Variants in PIP5K1C observed in about 807,000 individuals in gnomAD.
PIP5K1C encodes the protein phosphatidylinositol-4-phosphate 5-kinase type 1 gamma, also known as phosphatidylinositol 4-phosphate 5-kinase type-1 gamma.
Under a neutral mutation model 80.1 loss-of-function variants are expected in PIP5K1C, and 45 were observed. The observed-to-expected ratio is 0.56, with a 90% confidence interval of 0.44 to 0.72. The LOEUF (loss-of-function observed/expected upper bound fraction) is 0.72, where lower values mean the gene tolerates loss of function less well. PIP5K1C is among the 30% of genes least tolerant of loss of function. The probability of loss-of-function intolerance (pLI) is 0.00; values close to 1 mark genes in which losing one functional copy is unlikely to be tolerated. For synonymous variants in PIP5K1C, 498 were observed against 420.1 expected, an observed-to-expected ratio of 1.19 and a Z score of -2.27; for missense variants, 753 against 954.6, an observed-to-expected ratio of 0.79 and a Z score of 2.78.
rs535255353 is a variant in PIP5K1C at position 3,656,668 on chromosome 19, T to C, written c.469-111A>G. On this transcript the variant is annotated intron_variant, in intron 5 of 17. Transcript: ENST00000335312. ...GAACTGATGACGGGTCGCTGCATTTTACAGATGCGGAAAGAGAGGCTCAGA... is the reference window on the plus strand; with the variant it reads ...GAACTGATGACGGGTCGCTGCATTTCACAGATGCGGAAAGAGAGGCTCAGA... 890 of 1,232,336 alleles carry C rather than the reference T, an allele frequency of 7.2e-4. 10 individuals are homozygous for C. Among genetic ancestry groups the C allele is most frequent in the South Asian group, 6.2e-3 (503 of 81,588 alleles). 76.3% of individuals were successfully genotyped at this position (1,232,336 alleles called of 1,614,324 possible).
At position 3,631,116 on chromosome 19, in the gene PIP5K1C, C is replaced by T. The variant is rs781202870; in HGVS notation, c.*2051G>A. On this transcript the variant is annotated 3_prime_UTR_variant, in exon 18 of 18. Coordinates refer to ENST00000335312, the MANE Select transcript of PIP5K1C (RefSeq NM_012398.3). ...GCACATTTCTCCTGCAAAGGCGCGTCGGCCGGGCACTGGTGTCCCGTGTCA... is the reference window on the plus strand; with the variant it reads ...GCACATTTCTCCTGCAAAGGCGCGTTGGCCGGGCACTGGTGTCCCGTGTCA... The T allele has an allele frequency of 6.6e-6, 1 of 152,290 alleles. No individual in the cohort carries two copies. Among genetic ancestry groups the T allele is most frequent in the Non-Finnish European group, 1.5e-5 (1 of 68,064 alleles). 9.4% of individuals were successfully genotyped at this position (152,290 alleles called of 1,614,324 possible).
At chr19:3,642,555 G>A (rs757895967) in intron 14 of PIP5K1C, among the ~76,000 whole-genome samples, 4 of 152,190 alleles carry the variant, frequency 2.6e-5, no homozygotes, top group Non-Finnish European at 5.9e-5. Flanking sequence ...TATCTTCCAA[G>A]AGACAAAACC....
At chr19:3,656,694 G>A (rs2034646122) in intron 5 of PIP5K1C, 137 bp from the exon 6 acceptor site, 1 of 1,005,280 alleles carries the variant, frequency 9.9e-7, no homozygotes, top group Non-Finnish European at 1.5e-6. Flanking sequence ...GAGGCTCAGA[G>A]AGGGCGAGAG....
rs1243977526 is a variant in PIP5K1C at position 3,630,378 on chromosome 19, G to A, written c.*2789C>T. 7 of 152,586 alleles carry A rather than the reference G, an allele frequency of 4.6e-5. No individual in the cohort carries two copies. Among genetic ancestry groups the A allele is most frequent in the African/African-American group, 1.2e-4 (5 of 41,424 alleles). 9.5% of individuals were successfully genotyped at this position (152,586 alleles called of 1,614,324 possible). On this transcript the variant is annotated 3_prime_UTR_variant, in exon 18 of 18. Transcript: ENST00000335312. ...TTTGGATTGTCACGCACCAGACCAC[G>A]GGGCGGAGGAATGGAGTGGCATCCC...
intron 1 of PIP5K1C, among the ~76,000 whole-genome samples, chr19:3,694,207 A>G (rs1454544163): frequency 1.3e-4 from 19 of 146,574 alleles, no homozygotes; most frequent in African/African-American, 4.8e-4. Context: ...GCGAGACTCC[A>G]TCTCAAAAAA....
chr19:3,694,165 A>T (rs2036031061), intron 1 of PIP5K1C, among the ~76,000 whole-genome samples: 1 of 150,126 alleles, frequency 6.7e-6, no homozygotes, highest in African/African-American at 2.5e-5. Context: ...TGAGCCGAGA[A>T]CGCGCCACTG....
chr19:3,685,178 G>A (rs535754393), intron 1 of PIP5K1C, among the ~76,000 whole-genome samples: 6 of 152,164 alleles, frequency 3.9e-5, no homozygotes, highest in Non-Finnish European at 8.8e-5. Context: ...GCAATGGGTT[G>A]GGGACTCAGG....
chr19:3,695,083 G>C (rs1276822568), intron 1 of PIP5K1C, among the ~76,000 whole-genome samples: 1 of 152,226 alleles, frequency 6.6e-6, no homozygotes, highest in African/African-American at 2.4e-5. Context: ...ATTCGGGTGG[G>C]GTCTCACGTG....
At chr19:3,675,616 T>C (rs1490933483) in intron 1 of PIP5K1C, among the ~76,000 whole-genome samples, 2 of 152,192 alleles carry the variant, frequency 1.3e-5, no homozygotes, top group South Asian at 2.1e-4. Context: ...GTCTCGTCCA[T>C]GGTGACATCA....
In PIP5K1C at chr19:3,678,903, C is replaced by T. The variant is rs966877538; in HGVS notation, c.95-11550G>A. Among the ~76,000 whole-genome samples the T allele has an allele frequency of 1.8e-4, 13 of 73,014 alleles. 1 individual carries two copies. The highest frequency in any genetic ancestry group is 1.1e-4 in the Non-Finnish European group (4 of 37,834). 47.9% of individuals were successfully genotyped at this position (73,014 alleles called of 152,430 possible). Reference sequence around the variant, plus strand: ...AGGGAGGGATGGCGGGATGGCAGGACGGAGGAAGGGATGGAGGGATGGAGG... The same window carrying T: ...AGGGAGGGATGGCGGGATGGCAGGATGGAGGAAGGGATGGAGGGATGGAGG... On this transcript the variant is annotated intron_variant, in intron 1 of 17. Coordinates refer to ENST00000335312, the MANE Select transcript of PIP5K1C (RefSeq NM_012398.3).
At chr19:3,651,197 G>T (rs1222036543) in intron 8 of PIP5K1C, among the ~76,000 whole-genome samples, 1 of 151,824 alleles carries the variant, frequency 6.6e-6, no homozygotes, top group Non-Finnish European at 1.5e-5. Context: ...GGGACTACAG[G>T]TGCACGTGCC....
intron 5 of PIP5K1C, among the ~76,000 whole-genome samples, chr19:3,660,095 C>T (rs1002279334): frequency 7.2e-5 from 11 of 152,214 alleles, no homozygotes; most frequent in Admixed American, 4.6e-4. Context: ...CCCAGCACTT[C>T]GGGAGGCTGA....
At chr19:3,659,003 G>A (rs1428947317) in intron 5 of PIP5K1C, among the ~76,000 whole-genome samples, 1 of 152,104 alleles carries the variant, frequency 6.6e-6, no homozygotes, top group Non-Finnish European at 1.5e-5. Context: ...GCAGGGCTGA[G>A]CCCCACCCTG....
At chr19:3,683,579 G>A (rs911370724) in intron 1 of PIP5K1C, among the ~76,000 whole-genome samples, 1 of 152,222 alleles carries the variant, frequency 6.6e-6, no homozygotes, top group Non-Finnish European at 1.5e-5. Context: ...ATTATGCAGA[G>A]GCGGAAACTG....
chr19:3,642,947 G>A lies in PIP5K1C; in HGVS notation c.1650-8C>T, dbSNP rs1474702391. ...GACGACTGTGTGCGCCGCCTGCAGA[G>A]ATACAGCAAACACGTGACACCCAGA... On this transcript the variant is annotated splice_region_variant and splice_polypyrimidine_tract_variant and intron_variant, in intron 13 of 17. Transcript: ENST00000335312. 2.5e-6 allele frequency: 4 copies of A among 1,613,386 alleles called. No homozygotes were observed. The highest frequency in any genetic ancestry group is 4.5e-5 in the East Asian group (2 of 44,888).
intron 1 of PIP5K1C, among the ~76,000 whole-genome samples, chr19:3,675,190 G>A (rs754749421): frequency 4.6e-5 from 7 of 152,150 alleles, no homozygotes; most frequent in African/African-American, 4.8e-5. Context: ...CTGTGAATAC[G>A]CCGAGAAGAA....
intron 5 of PIP5K1C, among the ~76,000 whole-genome samples, chr19:3,659,317 GA>G (rs1389828518): frequency 6.6e-6 from 1 of 152,242 alleles, no homozygotes; most frequent in East Asian, 1.9e-4. Flanking sequence ...ACACTCCTGA[GA>G]TGAGCAGAAG....
At chr19:3,661,213 G>T (rs1012362889) in intron 4 of PIP5K1C, 130 bp from the exon 5 acceptor site, 1 of 629,900 alleles carries the variant, frequency 1.6e-6, no homozygotes, top group African/African-American at 1.8e-5. Context: ...TCCTTGAAAC[G>T]GCCCAATCCC....
At chr19:3,691,946 C>G (rs1029284283) in intron 1 of PIP5K1C, among the ~76,000 whole-genome samples, 1 of 152,152 alleles carries the variant, frequency 6.6e-6, no homozygotes, top group Non-Finnish European at 1.5e-5. Context: ...GCACAGGCCC[C>G]GAGGCAGCTG....
Sources: allele counts gnomAD v4.1 joint callset (sites outside exome capture counted in the v4.1 genomes callset), GRCh38; gene constraint gnomAD v4.1.1; transcripts MANE v1.5; gene names NCBI Gene and HGNC (gene_info 2026-07-23, HGNC 2026-07-21).